Variants in PELO observed in about 807,000 individuals in gnomAD.
PELO encodes the protein protein pelota homolog.
Under a neutral mutation model 25.9 loss-of-function variants are expected in PELO, and 19 were observed. The observed-to-expected ratio is 0.73, with a 90% CI of 0.51 to 1.08. The LOEUF (loss-of-function observed/expected upper bound fraction) is 1.08. Among genes scored for constraint, PELO ranks in the 50% least tolerant of loss-of-function variants. PELO has a pLI of 0.00. For synonymous variants in PELO, 196 were observed against 192.2 expected (o/e 1.02, Z -0.16); for missense variants, 498 against 491.4 (o/e 1.01, Z -0.13).
Position 52,801,062 on chromosome 5 carries a change from A to G in PELO, c.668A>G (p.Gln223Arg), listed in dbSNP as rs1748469500. 1 of 1,613,346 alleles carries G rather than the reference A, an allele frequency of 6.2e-7. No homozygotes were observed. The highest frequency in any genetic ancestry group is 1.3e-5 in the African/African-American group (1 of 74,880). The change falls in exon 2 of 3, where the codon CAA becomes CGA. Residue 223 changes from glutamine to arginine, a missense_variant. By Grantham distance (43) the Gln-to-Arg change is conservative. Coordinates refer to ENST00000274311, the MANE Select transcript of PELO (RefSeq NM_015946.5). The part of the protein sequence containing the change: ...VREQFCDYLF[Q>R]QAVKTDNKLL... ...GAGCAGTTCTGCGACTACCTGTTTC[A>G]ACAAGCAGTGAAGACCGACAACAAA...
chr5:52,800,249 C>T lies in PELO; in HGVS notation c.-146C>T. On this transcript the variant is annotated 5_prime_UTR_variant, in exon 2 of 3. Coordinates refer to ENST00000274311, the MANE Select transcript of PELO (RefSeq NM_015946.5). Reference sequence around the variant, plus strand: ...CTGCCCTAGGCTGCATGAGTCGAAGCAAGCGTGTTTCCTTCCCGCCAGGCA... The same window carrying T: ...CTGCCCTAGGCTGCATGAGTCGAAGTAAGCGTGTTTCCTTCCCGCCAGGCA... 1 of 747,640 alleles carries T rather than the reference C, an allele frequency of 1.3e-6. No individual in the cohort carries two copies. The highest frequency in any genetic ancestry group is 1.8e-5 in the South Asian group (1 of 56,910). The allele number at this position is 747,640 out of a possible 1,614,324, so 46.3% of individuals were successfully genotyped here. A position where few individuals can be genotyped will look rare whatever the true frequency, so the allele number is the denominator to read the frequency against.
At position 52,802,428 on chromosome 5, in the gene PELO, TA is replaced by T. The variant is rs1418370124; in HGVS notation, c.*592del. 2.6e-5 allele frequency: 4 copies of T among 152,246 alleles called. No individual in the cohort carries two copies. Among genetic ancestry groups the T allele is most frequent in the African/African-American group, 7.2e-5 (3 of 41,464 alleles). The allele number at this position is 152,246 out of a possible 1,614,324, so 9.4% of individuals were successfully genotyped here. ...CAAAGGCTTGTTAAACCAATCATGT[TA>T]AAAGGAAATTCTTGGTTTTGGTTTG... On this transcript the variant is annotated 3_prime_UTR_variant, in exon 3 of 3. Coordinates refer to ENST00000274311, the MANE Select transcript of PELO (RefSeq NM_015946.5).
In PELO at chr5:52,802,098, T is replaced by C; in HGVS notation, c.*258T>C. 1 of 369,498 alleles carries C rather than the reference T, an allele frequency of 2.7e-6. No individual in the cohort carries two copies. The highest frequency in any genetic ancestry group is 4.9e-6 in the Non-Finnish European group (1 of 203,094). The allele number at this position is 369,498 out of a possible 1,614,324, so 22.9% of individuals were successfully genotyped here. On this transcript the variant is annotated 3_prime_UTR_variant, in exon 3 of 3. Coordinates refer to ENST00000274311, the MANE Select transcript of PELO (RefSeq NM_015946.5). Reference sequence around the variant, plus strand: ...TATAGGAATTATGAGTTATCTGTAGTACTTGGAAACAGAAAATGTGTGTAT... The same window carrying C: ...TATAGGAATTATGAGTTATCTGTAGCACTTGGAAACAGAAAATGTGTGTAT...
chr5:52,800,658 C>T lies in PELO; in HGVS notation c.264C>T (p.Ile88=), dbSNP rs772209348. The change falls in exon 2 of 3, where the codon ATC becomes ATT. Residue 88 remains isoleucine, a synonymous_variant. Transcript: ENST00000274311. ...ACQLRVKGTN[I]QENEYVKMGA... Reference sequence around the variant, plus strand: ...AGCTGCGGGTTAAGGGGACCAACATCCAAGAGAATGAGTATGTCAAGATGG... The same window carrying T: ...AGCTGCGGGTTAAGGGGACCAACATTCAAGAGAATGAGTATGTCAAGATGG... The T allele has an allele frequency of 1.9e-6, 3 of 1,614,146 alleles. No individual in the cohort carries two copies. The East Asian group carries it at 6.7e-5, about 36-fold the overall frequency.
chr5:52,793,719 T>G (rs1451467250), intron 1 of PELO, among the ~76,000 whole-genome samples: 1 of 152,022 alleles, frequency 6.6e-6, no homozygotes, highest in Admixed American at 6.6e-5. Context: ...TCTCTTCAAG[T>G]GCCAAGTTTA....
Position 52,800,014 on chromosome 5 carries a change from C to G in PELO, c.-381C>G, listed in dbSNP as rs895164104. On this transcript the variant is annotated 5_prime_UTR_variant, in exon 2 of 3. Coordinates refer to ENST00000274311, the MANE Select transcript of PELO (RefSeq NM_015946.5). Reference sequence around the variant, plus strand: ...CCTCACAGCTTAGTGCGCCTGCGCACGCGCGAACTGCGGCCCCGCCTCTCC... The same window carrying G: ...CCTCACAGCTTAGTGCGCCTGCGCAGGCGCGAACTGCGGCCCCGCCTCTCC... 4 of 279,372 alleles carry G rather than the reference C, an allele frequency of 1.4e-5. No individual in the cohort carries two copies. The highest frequency in any genetic ancestry group is 6.7e-5 in the African/African-American group (3 of 44,772). The allele number at this position is 279,372 out of a possible 1,614,324, so 17.3% of individuals were successfully genotyped here. A position where few individuals can be genotyped will look rare whatever the true frequency, so the allele number is the denominator to read the frequency against.
chr5:52,791,617 C>T (rs1375228310), intron 1 of PELO, among the ~76,000 whole-genome samples: 3 of 152,090 alleles, frequency 2.0e-5, no homozygotes, highest in African/African-American at 4.8e-5. Context: ...AACTTAACCC[C>T]GAAATGTATT....
At position 52,800,963 on chromosome 5, in the gene PELO, T is replaced by A; in HGVS notation, c.569T>A (p.Val190Asp). The change falls in exon 2 of 3, where the codon GTC becomes GAC. Residue 190 changes from valine (V) to aspartate (D), a missense_variant. Coordinates refer to ENST00000274311, the MANE Select transcript of PELO (RefSeq NM_015946.5). ...TTGGAGCGGTTCTATGAACAGGTGG[T>A]CCAGGCTATCCAGCGCCACATACAC... ...RALERFYEQV[V>D]QAIQRHIHFD... 6.2e-7 allele frequency: 1 copy of A among 1,614,132 alleles called. No individual in the cohort carries two copies.
At chr5:52,792,414 G>T (rs762054377) in intron 1 of PELO, among the ~76,000 whole-genome samples, 4 of 152,146 alleles carry the variant, frequency 2.6e-5, no homozygotes, top group Non-Finnish European at 4.4e-5. Context: ...GAATTCACGG[G>T]ATTTTTGTTT....
intron 1 of PELO, 28 bp downstream of exon 1, chr5:52,788,442 C>T: frequency 1.3e-6 from 2 of 1,482,042 alleles, no homozygotes. Flanking sequence ...CTCTGAGCAT[C>T]TCCTGCTCGC....
In PELO at chr5:52,801,490, A is replaced by G; in HGVS notation, c.808A>G (p.Lys270Glu). The G allele has an allele frequency of 6.2e-7, 1 of 1,614,044 alleles. No homozygotes were observed. The highest frequency in any genetic ancestry group is 8.5e-7 in the Non-Finnish European group (1 of 1,179,906). ...TGTGGCTAGCCGCCTTTCAGACACTAAAGCTGCTGGGGAAGTCAAAGCCTT... is the reference window on the plus strand; with the variant it reads ...TGTGGCTAGCCGCCTTTCAGACACTGAAGCTGCTGGGGAAGTCAAAGCCTT... The part of the protein sequence containing the change: ...PTVASRLSDT[K>E]AAGEVKALDD... The change falls in exon 3 of 3, where the codon AAA (lysine) becomes GAA (glutamate). Residue 270 changes from lysine (K) to glutamate (E), a missense_variant. By Grantham distance (56) the Lys-to-Glu change is moderately conservative. Coordinates refer to ENST00000274311, the MANE Select transcript of PELO (RefSeq NM_015946.5).
rs200982774 is a variant in PELO at position 52,801,514 on chromosome 5, T to C, written c.832T>C (p.Leu278=). The change falls in exon 3 of 3, where the codon TTG becomes CTG. Residue 278 remains leucine, a synonymous_variant. Coordinates refer to ENST00000274311, the MANE Select transcript of PELO (RefSeq NM_015946.5). ...DTKAAGEVKA[L]DDFYKMLQHE... is the part of the protein sequence containing the mutation. ...TAAAGCTGCTGGGGAAGTCAAAGCC[T>C]TGGATGACTTCTATAAAATGTTACA... is the stretch of plus-strand genomic sequence containing the variant. 1 of 1,614,050 alleles carries C rather than the reference T, an allele frequency of 6.2e-7. No homozygotes were observed. The highest frequency in any genetic ancestry group is 2.2e-5 in the East Asian group (1 of 44,882).
rs752854138 is a variant in PELO, at chr5:52,800,896, C to T, written c.502C>T (p.Pro168Ser). Reference sequence around the variant, plus strand: ...TCGGGCCAAGGTGGAGGTGAACATCCCTAGGAAAAGGAAAGGCAATTGCTC... The same window carrying T: ...TCGGGCCAAGGTGGAGGTGAACATCTCTAGGAAAAGGAAAGGCAATTGCTC... ...LTRAKVEVNIPRKRKGNCSQH... is the reference protein window; with the variant it reads ...LTRAKVEVNISRKRKGNCSQH... The change falls in exon 2 of 3, where the codon CCT (proline) becomes TCT (serine). Residue 168 changes from proline to serine, a missense_variant. Pro to Ser is a moderately conservative substitution (Grantham distance 74). Coordinates refer to ENST00000274311, the MANE Select transcript of PELO (RefSeq NM_015946.5). The T allele has an allele frequency of 6.2e-7, 1 of 1,613,578 alleles. No individual in the cohort carries two copies. Among genetic ancestry groups the T allele is most frequent in the South Asian group, 1.1e-5 (1 of 91,030 alleles).
chr5:52,800,760 G>A lies in PELO; in HGVS notation c.366G>A (p.Leu122=). 1 of 1,614,222 alleles carries A rather than the reference G, an allele frequency of 6.2e-7. No individual in the cohort carries two copies. ...LAKKQWDSVV[L]ERIEQACDPA... ...AGAAGCAGTGGGATAGTGTGGTACT[G>A]GAGCGCATCGAGCAGGCCTGTGACC... Residue 122 remains leucine, a synonymous_variant, in exon 2 of 3, where the codon CTG becomes CTA. Transcript: ENST00000274311.
In PELO at chr5:52,799,405, C is replaced by T. The variant is rs373533557; in HGVS notation, c.-510-480C>T. Among the ~76,000 whole-genome samples the T allele has an allele frequency of 2.2e-4, 33 of 152,334 alleles. No individual in the cohort carries two copies. In the South Asian group the frequency reaches 4.1e-3, roughly 19 times the overall value. On this transcript the variant is annotated intron_variant, in intron 1 of 2. Transcript: ENST00000274311. ...TAAGCTCTTGCGACCCAACCCCCAA[C>T]CTAAACATTTCACAGGCTACTGGGC...
chr5:52,788,282 A>T lies in PELO; in HGVS notation c.-643A>T. The T allele has an allele frequency of 8.2e-7, 1 of 1,225,804 alleles. No homozygotes were observed. Among genetic ancestry groups the T allele is most frequent in the Non-Finnish European group, 1.1e-6 (1 of 929,808 alleles). The allele number at this position is 1,225,804 out of a possible 1,614,324, so 75.9% of individuals were successfully genotyped here. A position where few individuals can be genotyped will look rare whatever the true frequency, so the allele number is the denominator to read the frequency against. On this transcript the variant is annotated 5_prime_UTR_variant, in exon 1 of 3. Transcript: ENST00000274311. ...GCAGCGGGATAAGTGGCCCAGCCAGAGAGCGCAGCTCCCGCGCCCGGTCCT... is the reference window on the plus strand; with the variant it reads ...GCAGCGGGATAAGTGGCCCAGCCAGTGAGCGCAGCTCCCGCGCCCGGTCCT...
intron 1 of PELO, among the ~76,000 whole-genome samples, chr5:52,790,028 T>G (rs973899962): frequency 2.0e-5 from 3 of 152,228 alleles, no homozygotes; most frequent in East Asian, 3.8e-4. Flanking sequence ...GATCTGAAAT[T>G]GGACTGCTTT....
At chr5:52,790,955 C>T (rs1206935033) in intron 1 of PELO, among the ~76,000 whole-genome samples, 4 of 152,130 alleles carry the variant, frequency 2.6e-5, no homozygotes, top group East Asian at 1.9e-4. Context: ...GAAAAGAATT[C>T]CACCTTTCCA....
chr5:52,790,333 C>T lies in PELO; in HGVS notation c.-511+1919C>T, dbSNP rs141257322. On this transcript the variant is annotated intron_variant, in intron 1 of 2. Transcript: ENST00000274311. ...ACTGCCCTAATCCAACACCCTCTCT[C>T]TATCTCCTACTACTCCTATGTCAGT... is the stretch of plus-strand genomic sequence containing the variant. 2.9e-3 allele frequency among the ~76,000 whole-genome samples: 436 copies of T among 152,348 alleles called. 2 individuals carry two copies. Among genetic ancestry groups the T allele is most frequent in the African/African-American group, 9.6e-3 (399 of 41,578 alleles).
Sources: gnomAD v4.1 joint callset for allele counts (sites outside exome capture counted in the v4.1 genomes callset) on GRCh38, gnomAD v4.1.1 for gene constraint, MANE v1.5 for transcripts, NCBI Gene and HGNC (gene_info 2026-07-23, HGNC 2026-07-21) for gene names.